The following USH2A variants were observed in gnomAD, a reference collection of about 807,000 sequenced individuals.
USH2A encodes Usher syndrome 2A (autosomal recessive, mild).
Under a neutral mutation model 538.9 loss-of-function variants are expected in USH2A, and 443 were observed. That is an observed-to-expected ratio of 0.82 (90% CI 0.76 to 0.89). The LOEUF (loss-of-function observed/expected upper bound fraction) is 0.89, where lower values mean the gene tolerates loss of function less well. USH2A is among the 40% of genes least tolerant of loss of function. The probability of loss-of-function intolerance (pLI) is 0.00; values close to 1 mark genes in which losing one functional copy is unlikely to be tolerated. For synonymous variants in USH2A, 2,413 were observed against 2,273.5 expected (o/e 1.06, Z -1.75); for missense variants, 6,633 against 6,324.8 (o/e 1.05, Z -1.65).
chr1:216,152,705 G>A (rs376364504), intron 21 of USH2A, among the ~76,000 whole-genome samples: 12 of 152,158 alleles, frequency 7.9e-5, no homozygotes, highest in African/African-American at 2.9e-4. Flanking sequence ...GTAAGAGCAG[G>A]GAACAAGTCT....
chr1:215,935,856 C>A (rs910460678), intron 37 of USH2A, among the ~76,000 whole-genome samples: 4 of 151,724 alleles, frequency 2.6e-5, no homozygotes, highest in African/African-American at 9.7e-5. Context: ...GGCAACATAG[C>A]AAGTCCTCAT....
intron 21 of USH2A, among the ~76,000 whole-genome samples, chr1:216,150,110 A>T (rs1050467918): frequency 6.6e-6 from 1 of 152,096 alleles, no homozygotes; most frequent in Non-Finnish European, 1.5e-5. Flanking sequence ...GCCGAGCCCC[A>T]AAAAACTAGT....
chr1:216,033,812 C>G (rs774468945), intron 32 of USH2A, among the ~76,000 whole-genome samples: 1 of 152,048 alleles, frequency 6.6e-6, no homozygotes, highest in Non-Finnish European at 1.5e-5. Flanking sequence ...CTCCATCCAG[C>G]CTGGGTGACA....
chr1:215,889,521 T>G (rs2102461071), intron 40 of USH2A, among the ~76,000 whole-genome samples: 1 of 152,284 alleles, frequency 6.6e-6, no homozygotes, highest in East Asian at 1.9e-4. Context: ...TTATATATTC[T>G]ATATTATACT....
At chr1:215,873,855 AT>A (rs1664685248) in intron 43 of USH2A, among the ~76,000 whole-genome samples, 1 of 152,080 alleles carries the variant, frequency 6.6e-6, no homozygotes, top group African/African-American at 2.4e-5. Flanking sequence ...AGGAATAGCA[AT>A]TAGAACATAC....
intron 41 of USH2A, among the ~76,000 whole-genome samples, chr1:215,882,786 T>C (rs1379288886): frequency 6.6e-6 from 1 of 152,006 alleles, no homozygotes; most frequent in Non-Finnish European, 1.5e-5. Context: ...CCTATTATTT[T>C]TTATGGTTGC....
In USH2A at chr1:215,782,915, T is replaced by C. The variant is rs772609551; in HGVS notation, c.10408A>G (p.Met3470Val). ...GCAGAAATCCTGTACTCATATGTCA[T>C]GTAGGGCTTGAGGTTCACATCTGGA... is the stretch of plus-strand genomic sequence containing the variant. ...SYTDVNLKPY[M>V]TYEYRISAWN... Residue 3470 changes from methionine to valine, a missense_variant, in exon 53 of 72, where the codon ATG (methionine) becomes GTG (valine). Met to Val is a conservative substitution (Grantham distance 21). Coordinates refer to ENST00000307340, the MANE Select transcript of USH2A (RefSeq NM_206933.4). 4 of 1,613,512 alleles carry C rather than the reference T, an allele frequency of 2.5e-6. No homozygotes were observed. Among genetic ancestry groups the C allele is most frequent in the South Asian group, 1.1e-5 (1 of 91,044 alleles).
intron 49 of USH2A, 70 bp downstream of exon 49, chr1:215,813,666 C>T (rs1223163967): frequency 1.3e-6 from 2 of 1,591,666 alleles, no homozygotes; most frequent in African/African-American, 2.7e-5. Context: ...AAATAGTTCA[C>T]TGACATGAAC....
At chr1:215,905,017 T>C (rs1299501252) in intron 38 of USH2A, among the ~76,000 whole-genome samples, 1 of 152,086 alleles carries the variant, frequency 6.6e-6, no homozygotes, top group East Asian at 1.9e-4. Context: ...GACTTATACA[T>C]GTCCTAAACT....
chr1:216,118,266 TGA>T (rs2033055118), intron 21 of USH2A, among the ~76,000 whole-genome samples: 1 of 152,208 alleles, frequency 6.6e-6, no homozygotes, highest in South Asian at 2.1e-4. Context: ...GTATTTGTTC[TGA>T]GAGACCCTCA....
chr1:215,767,433 A>G (rs1018570169), intron 55 of USH2A, among the ~76,000 whole-genome samples: 1 of 152,028 alleles, frequency 6.6e-6, no homozygotes, highest in African/African-American at 2.4e-5. Context: ...GCTAACCAAC[A>G]CTTTTGTTTT....
intron 27 of USH2A, among the ~76,000 whole-genome samples, chr1:216,077,888 C>T (rs1341080334): frequency 6.6e-6 from 1 of 151,722 alleles, no homozygotes; most frequent in Non-Finnish European, 1.5e-5. Context: ...TAAATGATGG[C>T]ACATTGTTAA....
At chr1:215,643,652 A>T (rs1214784381) in intron 67 of USH2A, among the ~76,000 whole-genome samples, 1 of 151,704 alleles carries the variant, frequency 6.6e-6, no homozygotes, top group East Asian at 1.9e-4. Flanking sequence ...CAGTCTTCTG[A>T]GTAGCTGGGA....
intron 38 of USH2A, among the ~76,000 whole-genome samples, chr1:215,924,275 T>A (rs549048962): frequency 9.2e-5 from 14 of 152,166 alleles, no homozygotes; most frequent in Admixed American, 7.2e-4. Context: ...TTCCTTAAGT[T>A]TTTAAGTTTT....
chr1:215,673,464 A>G (rs540488941), intron 63 of USH2A, among the ~76,000 whole-genome samples: 55 of 152,344 alleles, frequency 3.6e-4, no homozygotes, highest in Non-Finnish European at 5.7e-4. Flanking sequence ...ACAATTATTT[A>G]AACAATGGGC....
chr1:216,301,855 C>T (rs1256842985), intron 9 of USH2A, among the ~76,000 whole-genome samples: 2 of 152,066 alleles, frequency 1.3e-5, no homozygotes, highest in African/African-American at 2.4e-5. Flanking sequence ...AAACCAGCCC[C>T]CTATGTTGGA....
chr1:215,795,987 T>C (rs1317716865), intron 50 of USH2A, among the ~76,000 whole-genome samples: 2 of 139,634 alleles, frequency 1.4e-5, no homozygotes, highest in African/African-American at 5.4e-5. Flanking sequence ...TATAACATTC[T>C]AACATATTTA....
chr1:216,013,402 C>T (rs1460968016), intron 32 of USH2A, among the ~76,000 whole-genome samples: 1 of 151,818 alleles, frequency 6.6e-6, no homozygotes, highest in Non-Finnish European at 1.5e-5. Flanking sequence ...TTTTCGCTGT[C>T]CCAACACTTT....
chr1:216,284,240 C>T (rs1328334678), intron 11 of USH2A, among the ~76,000 whole-genome samples: 2 of 152,124 alleles, frequency 1.3e-5, no homozygotes, highest in East Asian at 1.9e-4. Context: ...CAAATCTCAT[C>T]TTGAATTGTA....
Sources: allele counts gnomAD v4.1 joint callset (sites outside exome capture counted in the v4.1 genomes callset), GRCh38; gene constraint gnomAD v4.1.1; transcripts MANE v1.5; gene names NCBI Gene and HGNC (gene_info 2026-07-23, HGNC 2026-07-21).